STN1: variants seen among roughly 807,000 people sequenced by gnomAD.
The protein encoded by STN1 is STN1 subunit of CST complex.
STN1 carries 29 observed loss-of-function variants against 45.5 expected under a neutral mutation model. That is an observed-to-expected ratio of 0.64 (90% CI 0.47 to 0.87). The LOEUF is 0.87. STN1 is among the 40% of genes least tolerant of loss of function. The pLI, the probability that STN1 is intolerant of heterozygous loss-of-function variation, is 0.00. For missense variants in STN1, 376 were observed against 441.4 expected (o/e 0.85, Z 1.33); for synonymous variants, 148 against 159.0 (o/e 0.93, Z 0.52).
At chr10:103,914,505 A>T (rs919108132) in intron 2 of STN1, among the ~76,000 whole-genome samples, 6 of 151,052 alleles carry the variant, frequency 4.0e-5, no homozygotes, top group Non-Finnish European at 1.5e-5. Flanking sequence ...CTCCTGACTA[A>T]CTGGGACCAT....
intron 7 of STN1, among the ~76,000 whole-genome samples, chr10:103,893,629 G>A (rs1275489582): frequency 2.0e-5 from 3 of 152,172 alleles, no homozygotes; most frequent in African/African-American, 4.8e-5. Context: ...CAGAGGTGCT[G>A]AAAAAGAGTG....
rs755596138 is a variant in STN1, at chr10:103,889,071, C to A, written c.949+1G>T. ...CATCACTTGTACATTATACCACTTACGATTTGGTTTCTGGCAGTCCTGCTG... is the reference window on the plus strand; with the variant it reads ...CATCACTTGTACATTATACCACTTAAGATTTGGTTTCTGGCAGTCCTGCTG... On this transcript the variant is annotated splice_donor_variant, in intron 9 of 9. Transcript: ENST00000224950. LOFTEE classifies it high-confidence loss of function. 6.2e-7 allele frequency: 1 copy of A among 1,608,332 alleles called. No homozygotes were observed. The highest frequency in any genetic ancestry group is 1.3e-5 in the African/African-American group (1 of 74,776).
At position 103,892,180 on chromosome 10, in the gene STN1, C is replaced by G. The variant is rs965987401; in HGVS notation, c.826G>C (p.Glu276Gln). The change falls in exon 8 of 10, where the codon GAA (glutamate) becomes CAA (glutamine). Residue 276 changes from glutamate (E) to glutamine (Q), a missense_variant. Physicochemically the swap from Glu to Gln is conservative, Grantham distance 29. Transcript: ENST00000224950. ...TCTTTCTGGAAAACAAGTCCTTTTT[C>G]CTGCAGCAGTTGTATAGCATTCTTA... ...IFKNAIQLLQEKGLVFQKDDG... is the reference protein window; with the variant it reads ...IFKNAIQLLQQKGLVFQKDDG... 6.2e-7 allele frequency: 1 copy of G among 1,611,802 alleles called. No individual in the cohort carries two copies. Among genetic ancestry groups the G allele is most frequent in the African/African-American group, 1.3e-5 (1 of 74,758 alleles).
At chr10:103,892,633 C>G (rs558280432) in intron 7 of STN1, among the ~76,000 whole-genome samples, 2 of 152,138 alleles carry the variant, frequency 1.3e-5, no homozygotes, top group Non-Finnish European at 2.9e-5. Flanking sequence ...TGTATACAAT[C>G]TCTTCCTAGG....
Position 103,889,163 on chromosome 10 carries a change from T to C in STN1, c.877-19A>G. 6.4e-7 allele frequency: 1 copy of C among 1,553,964 alleles called. No homozygotes were observed. The highest frequency in any genetic ancestry group is 8.9e-7 in the Non-Finnish European group (1 of 1,125,386). On this transcript the variant is annotated intron_variant, in intron 8 of 9. Coordinates refer to ENST00000224950, the MANE Select transcript of STN1 (RefSeq NM_024928.5). ...TGGTTACCTAAATAGGAAAAATAGTTGAGAGAGAGAGTGTTCTTAGGTAAC... is the reference window on the plus strand; with the variant it reads ...TGGTTACCTAAATAGGAAAAATAGTCGAGAGAGAGAGTGTTCTTAGGTAAC...
intron 9 of STN1, among the ~76,000 whole-genome samples, chr10:103,884,047 G>A (rs565374312): frequency 6.9e-5 from 9 of 129,724 alleles, no homozygotes; most frequent in South Asian, 2.5e-4. Context: ...CCGAGATTGC[G>A]CCACTGTACT....
At chr10:103,903,722 T>C (rs905922662) in intron 4 of STN1, among the ~76,000 whole-genome samples, 3 of 152,212 alleles carry the variant, frequency 2.0e-5, no homozygotes, top group African/African-American at 7.2e-5. Flanking sequence ...TAAATTTCTT[T>C]CTTTATAAAA....
rs1305300513 is a variant in STN1, at chr10:103,880,008, G to A, written c.*2676C>T. 3.3e-5 allele frequency among the ~76,000 whole-genome samples: 5 copies of A among 152,314 alleles called. No homozygotes were observed. Among genetic ancestry groups the A allele is most frequent in the East Asian group, 3.9e-4 (2 of 5,182 alleles). ...GCTGGTGACGGCCCACCTGGGCCTC[G>A]CTTGACCATGCTACCTGCTGCAGGA... On this transcript the variant is annotated 3_prime_UTR_variant, in exon 10 of 10. Transcript: ENST00000224950.
intron 2 of STN1, 32 bp downstream of exon 2, chr10:103,917,430 C>G: frequency 1.9e-6 from 3 of 1,603,726 alleles, no homozygotes; most frequent in Non-Finnish European, 2.6e-6. Context: ...GCAGATGCAG[C>G]CCAGGGCATC....
intron 5 of STN1, 182 bp downstream of exon 5, chr10:103,899,880 T>A (rs76015030): frequency 0.029 from 15,774 of 550,662 alleles, 320 homozygotes; most frequent in Middle Eastern, 0.048. Flanking sequence ...TTAGCTGTCT[T>A]CAAAATAAAA....
At chr10:103,909,400 A>ATATATATG (rs1177391624) in intron 3 of STN1, among the ~76,000 whole-genome samples, 1 of 57,830 alleles carries the variant, frequency 1.7e-5, no homozygotes, top group African/African-American at 6.1e-5. Flanking sequence ...GTATATATGT[A>ATATATATG]TATATATGTA....
Position 103,898,768 on chromosome 10 carries a change from A to G in STN1, c.581+109T>C. On this transcript the variant is annotated intron_variant, in intron 6 of 9. Transcript: ENST00000224950. Reference sequence around the variant, plus strand: ...GGGCTTGCCCAGAGCCCCACAGTGCATAGGTGGATGATTCGGGATTTGAAC... The same window carrying G: ...GGGCTTGCCCAGAGCCCCACAGTGCGTAGGTGGATGATTCGGGATTTGAAC... The G allele has an allele frequency of 8.5e-6, 11 of 1,301,406 alleles. No individual in the cohort carries two copies. In the South Asian group the frequency reaches 1.3e-4, roughly 15 times the overall value. 80.6% of individuals were successfully genotyped at this position (1,301,406 alleles called of 1,614,324 possible). A position where few individuals can be genotyped will look rare whatever the true frequency, so the allele number is the denominator to read the frequency against.
intron 7 of STN1, among the ~76,000 whole-genome samples, chr10:103,893,282 C>A (rs1035525448): frequency 2.0e-5 from 3 of 152,118 alleles, no homozygotes; most frequent in African/African-American, 7.2e-5. Context: ...CATTCTCCTG[C>A]CTCAGCCTCC....
Position 103,916,363 on chromosome 10 carries a change from C to T in STN1, c.133+1099G>A, listed in dbSNP as rs546701102. Among the ~76,000 whole-genome samples, 8 of 152,254 alleles carry T rather than the reference C, an allele frequency of 5.3e-5. No homozygotes were observed. In the East Asian group the frequency reaches 1.5e-3, roughly 29 times the overall value. ...CTGAAGAGATGAGCTATGAAGAAAA[C>T]CAGACTGGAAAATGGAAAACTGTGG... On this transcript the variant is annotated intron_variant, in intron 2 of 9. Transcript: ENST00000224950.
In STN1 at chr10:103,878,560, T is replaced by A. The variant is rs925796212; in HGVS notation, c.*4124A>T. On this transcript the variant is annotated 3_prime_UTR_variant, in exon 10 of 10. Coordinates refer to ENST00000224950, the MANE Select transcript of STN1 (RefSeq NM_024928.5). ...AGTCTGGCTTACACACCGGTTGAAT[T>A]CTTGTCCAGCGCCCAAGAAGAATGA... The A allele has an allele frequency of 1.3e-5, 2 of 152,174 alleles. No individual in the cohort carries two copies. The highest frequency in any genetic ancestry group is 2.9e-5 in the Non-Finnish European group (2 of 68,046). 9.4% of individuals were successfully genotyped at this position (152,174 alleles called of 1,614,324 possible).
intron 3 of STN1, 36 bp from the exon 4 acceptor site, chr10:103,905,192 T>C: frequency 6.4e-7 from 1 of 1,572,306 alleles, no homozygotes; most frequent in Non-Finnish European, 8.8e-7. Context: ...AAGAGAGATT[T>C]GGGCAAGGCT....
At position 103,881,474 on chromosome 10, in the gene STN1, A is replaced by G. The variant is rs1227455498; in HGVS notation, c.*1210T>C. 1.3e-5 allele frequency among the ~76,000 whole-genome samples: 2 copies of G among 152,214 alleles called. No homozygotes were observed. Among genetic ancestry groups the G allele is most frequent in the African/African-American group, 4.8e-5 (2 of 41,442 alleles). ...TACATAATCACTGTTAGAAATCAGC[A>G]AAGGTTTGCATCATTACAAAAGTCT... On this transcript the variant is annotated 3_prime_UTR_variant, in exon 10 of 10. Coordinates refer to ENST00000224950, the MANE Select transcript of STN1 (RefSeq NM_024928.5).
intron 4 of STN1, among the ~76,000 whole-genome samples, chr10:103,902,328 A>T (rs1843214944): frequency 6.6e-6 from 1 of 152,206 alleles, no homozygotes; most frequent in Non-Finnish European, 1.5e-5. Flanking sequence ...TGAATTTTAA[A>T]GGTATTTATA....
At chr10:103,901,579 A>G (rs922267624) in intron 4 of STN1, among the ~76,000 whole-genome samples, 8 of 152,214 alleles carry the variant, frequency 5.3e-5, no homozygotes, top group African/African-American at 1.7e-4. Context: ...GGTTTCCTCA[A>G]TTATGAAATG....
Sources: gnomAD v4.1 joint callset for allele counts (sites outside exome capture counted in the v4.1 genomes callset) on GRCh38, gnomAD v4.1.1 for gene constraint, MANE v1.5 for transcripts, NCBI Gene and HGNC (gene_info 2026-07-23, HGNC 2026-07-21) for gene names.